SARM1: variants seen among roughly 807,000 people sequenced by gnomAD.
SARM1 encodes NAD(+) hydrolase SARM1.
A neutral mutation model predicts 65.1 loss-of-function variants in SARM1; 60 were observed. The observed-to-expected ratio is 0.92, with a 90% CI of 0.75 to 1.14. SARM1 has a LOEUF of 1.14. Ranked by LOEUF, SARM1 falls within the 50% of genes most tolerant of loss-of-function variation. The pLI, the probability that SARM1 is intolerant of heterozygous loss-of-function variation, is 0.00. For synonymous variants in SARM1, 417 were observed against 465.4 expected, an observed-to-expected ratio of 0.90 and a Z score of 1.34; for missense variants, 913 against 1,015.7, an observed-to-expected ratio of 0.90 and a Z score of 1.37.
rs371624154 is a variant in SARM1, at chr17:28,403,390, C to A, written c.*7104C>A. The A allele has an allele frequency of 6.6e-6, 1 of 152,448 alleles. No individual in the cohort carries two copies. Among genetic ancestry groups the A allele is most frequent in the South Asian group, 2.1e-4 (1 of 4,828 alleles). The allele number at this position is 152,448 out of a possible 1,614,324, so 9.4% of individuals were successfully genotyped here. On this transcript the variant is annotated 3_prime_UTR_variant, in exon 9 of 9. Coordinates refer to ENST00000585482, the MANE Select transcript of SARM1 (RefSeq NM_015077.4). ...CTTCCTGTTTTCTTCATAACCATTT[C>A]TCTCCCTGTGCGACTGCTGACTCCT...
intron 1 of SARM1, among the ~76,000 whole-genome samples, chr17:28,380,365 C>T (rs150883831): frequency 4.0e-4 from 61 of 152,350 alleles, no homozygotes; most frequent in Middle Eastern, 3.4e-3. Context: ...GATATTTGCA[C>T]ACAGGGATTT....
rs781886204 is a variant in SARM1 at position 28,381,598 on chromosome 17, G to T, written c.866G>T (p.Arg289Leu). The change falls in exon 2 of 9, where the codon CGC becomes CTC. Residue 289 changes from arginine to leucine, a missense_variant. This residue lies in a region of SARM1 where 862 missense variants were observed against 952.1 expected (regional missense o/e 0.91). Transcript: ENST00000585482. ...AAGGAGGTGGAGCGCGAGGTGGAGC[G>T]CTCGGGCACGCTGGCGCTCGTGGAG... Reference protein sequence around the residue: ...TNKEVEREVERSGTLALVEPL... With the variant: ...TNKEVEREVELSGTLALVEPL... The T allele has an allele frequency of 4.4e-6, 7 of 1,586,030 alleles. No individual in the cohort carries two copies. The East Asian group carries it at 1.2e-4, about 26-fold the overall frequency.
In SARM1 at chr17:28,400,163, G is replaced by C; in HGVS notation, c.*3877G>C. The C allele has an allele frequency of 4.2e-6, 1 of 239,040 alleles. No homozygotes were observed. The highest frequency in any genetic ancestry group is 5.1e-5 in the Admixed American group (1 of 19,540). The allele number at this position is 239,040 out of a possible 1,614,324, so 14.8% of individuals were successfully genotyped here. ...TCCTGCCTCAGCCTCCCACAGGATC[G>C]GGATTACAGGCAAGAGCCTCCACGC... is the stretch of plus-strand genomic sequence containing the variant. On this transcript the variant is annotated 3_prime_UTR_variant, in exon 9 of 9. Transcript: ENST00000585482.
rs373321780 is a variant in SARM1 at position 28,375,395 on chromosome 17, G to A, written c.470+2893G>A. ...GGAGATTGCCTGAGGTCAGGAGTTC[G>A]AGACCACTCTGGCCAACATGGTGAA... On this transcript the variant is annotated intron_variant, in intron 1 of 8. Transcript: ENST00000585482. Among the ~76,000 whole-genome samples, 5 of 151,866 alleles carry A rather than the reference G, an allele frequency of 3.3e-5. No homozygotes were observed. In the East Asian group the frequency reaches 5.8e-4, roughly 18 times the overall value.
rs565009775 is a variant in SARM1 at position 28,387,630 on chromosome 17, T to C, written c.1631-544T>C. On this transcript the variant is annotated intron_variant, in intron 5 of 8. Transcript: ENST00000585482. ...GCTGGAGTCCAGTATGTTTAGTAGG[T>C]AGAATCCTCAGAATGCGGTGCCTGG... 5.2e-4 allele frequency among the ~76,000 whole-genome samples: 79 copies of C among 152,298 alleles called. 1 individual carries two copies. Among genetic ancestry groups the C allele is most frequent in the African/African-American group, 1.8e-3 (74 of 41,564 alleles).
Position 28,381,497 on chromosome 17 carries a change from C to T in SARM1, c.765C>T (p.Phe255=). The T allele has an allele frequency of 6.4e-7, 1 of 1,557,218 alleles. No homozygotes were observed. Among genetic ancestry groups the T allele is most frequent in the Non-Finnish European group, 8.7e-7 (1 of 1,151,270 alleles). Residue 255 remains phenylalanine (F), a synonymous_variant, in exon 2 of 9, where the codon TTC becomes TTT. Coordinates refer to ENST00000585482, the MANE Select transcript of SARM1 (RefSeq NM_015077.4). ...MVEKRAAEWL[F]PLAFSKEDEL... ...AGAAGCGCGCAGCCGAGTGGCTCTTCCCGCTCGCCTTCTCCAAGGAGGACG... is the reference window on the plus strand; with the variant it reads ...AGAAGCGCGCAGCCGAGTGGCTCTTTCCGCTCGCCTTCTCCAAGGAGGACG...
intron 2 of SARM1, 131 bp downstream of exon 2, chr17:28,381,952 G>T: frequency 1.7e-6 from 2 of 1,189,534 alleles, no homozygotes; most frequent in Non-Finnish European, 2.2e-6. Flanking sequence ...AAGGAGGAGC[G>T]GGCCAGTCAT....
chr17:28,381,660 C>T lies in SARM1; in HGVS notation c.928C>T (p.Arg310Cys), dbSNP rs782675051. The T allele has an allele frequency of 2.6e-6, 4 of 1,556,268 alleles. No homozygotes were observed. Among genetic ancestry groups the T allele is most frequent in the Middle Eastern group, 1.7e-4 (1 of 5,798 alleles). ...VASLDPGRFA[R>C]CLVDASDTSQ... ...CTCGCTGGACCCTGGCCGCTTCGCCCGCTGTCTGGTGGACGCCAGCGACAC... is the reference window on the plus strand; with the variant it reads ...CTCGCTGGACCCTGGCCGCTTCGCCTGCTGTCTGGTGGACGCCAGCGACAC... Residue 310 changes from arginine (R) to cysteine (C), a missense_variant, in exon 2 of 9, where the codon CGC (arginine) becomes TGC (cysteine). Around this residue, in one of 3 missense-constraint regions of SARM1, gnomAD observed 862 missense variants for 952.1 expected, o/e 0.91. Transcript: ENST00000585482.
chr17:28,388,125 A>T (rs1555586300), intron 5 of SARM1, 49 bp from the exon 6 acceptor site: 1 of 1,286,290 alleles, frequency 7.8e-7, no homozygotes, highest in African/African-American at 1.5e-5. Flanking sequence ...CCTGACAGTG[A>T]GTGATGCGGA....
rs1555588954 is a variant in SARM1, at chr17:28,399,368, T to C, written c.*3082T>C. 1 of 438,448 alleles carries C rather than the reference T, an allele frequency of 2.3e-6. No individual in the cohort carries two copies. Among genetic ancestry groups the C allele is most frequent in the African/African-American group, 2.0e-5 (1 of 50,426 alleles). The allele number at this position is 438,448 out of a possible 1,614,324, so 27.2% of individuals were successfully genotyped here. ...ACCTCTCCTCTGGCCTGTGGGGTTA[T>C]AAGTGATGGATAGCAGAAAGGGAGA... On this transcript the variant is annotated 3_prime_UTR_variant, in exon 9 of 9. Coordinates refer to ENST00000585482, the MANE Select transcript of SARM1 (RefSeq NM_015077.4).
chr17:28,387,476 G>A (rs1427369152), intron 5 of SARM1, among the ~76,000 whole-genome samples: 1 of 150,244 alleles, frequency 6.7e-6, no homozygotes, highest in Non-Finnish European at 1.5e-5. Context: ...CACCCACCTT[G>A]GCCCCCCACA....
At position 28,402,315 on chromosome 17, in the gene SARM1, C is replaced by A; in HGVS notation, c.*6029C>A. ...GATGACTAATGACAGGAAAAGCAAC[C>A]CATATCCTGTGGAGAAACAAACACT... On this transcript the variant is annotated 3_prime_UTR_variant, in exon 9 of 9. Transcript: ENST00000585482. The A allele has an allele frequency of 1.2e-6, 2 of 1,613,050 alleles. No individual in the cohort carries two copies. Among genetic ancestry groups the A allele is most frequent in the South Asian group, 1.1e-5 (1 of 90,812 alleles).
Position 28,384,249 on chromosome 17 carries a change from A to G in SARM1, c.1090-108A>G, listed in dbSNP as rs1480364160. On this transcript the variant is annotated intron_variant, in intron 2 of 8. Coordinates refer to ENST00000585482, the MANE Select transcript of SARM1 (RefSeq NM_015077.4). The surrounding 1 kb of genome is among the most constrained non-coding windows in gnomAD (Gnocchi z 4.4). Reference sequence around the variant, plus strand: ...GTGGCTGAAGGTGGGGCCAGGGCAGATGGAGAGACTTTGGGTTGTGAGAAG... The same window carrying G: ...GTGGCTGAAGGTGGGGCCAGGGCAGGTGGAGAGACTTTGGGTTGTGAGAAG... 9 of 888,040 alleles carry G rather than the reference A, an allele frequency of 1.0e-5. No individual in the cohort carries two copies. The East Asian group carries it at 2.2e-4, about 21-fold the overall frequency. The allele number at this position is 888,040 out of a possible 1,614,324, so 55.0% of individuals were successfully genotyped here.
At chr17:28,387,565 A>G (rs2068058379) in intron 5 of SARM1, among the ~76,000 whole-genome samples, 1 of 152,266 alleles carries the variant, frequency 6.6e-6, no homozygotes, top group East Asian at 1.9e-4. Flanking sequence ...GCCATTGAGG[A>G]GGCTGGCATT....
At chr17:28,395,476 A>G (rs1267159625) in intron 7 of SARM1, 3 of 170,204 alleles carry the variant, frequency 1.8e-5, no homozygotes, top group Non-Finnish European at 3.8e-5. Context: ...TGATTAAATC[A>G]TTGGCCATTG....
Position 28,404,004 on chromosome 17 carries a change from C to A in SARM1, c.*7718C>A, listed in dbSNP as rs1332483488. 1 of 154,974 alleles carries A rather than the reference C, an allele frequency of 6.5e-6. No individual in the cohort carries two copies. Among genetic ancestry groups the A allele is most frequent in the Non-Finnish European group, 1.4e-5 (1 of 70,070 alleles). 9.6% of individuals were successfully genotyped at this position (154,974 alleles called of 1,614,324 possible). A position where few individuals can be genotyped will look rare whatever the true frequency, so the allele number is the denominator to read the frequency against. On this transcript the variant is annotated 3_prime_UTR_variant, in exon 9 of 9. Transcript: ENST00000585482. ...CTCTAGCCTGGGTAACAAAGCGAGA[C>A]CCTGTCTCTAAATACATCAATCAAA...
intron 7 of SARM1, among the ~76,000 whole-genome samples, chr17:28,392,413 G>A (rs1407741498): frequency 6.6e-6 from 1 of 152,064 alleles, no homozygotes; most frequent in Non-Finnish European, 1.5e-5. Context: ...ACCACACACG[G>A]CCGCCATTAT....
At position 28,388,284 on chromosome 17, in the gene SARM1, G is replaced by C. The variant is rs2068063127; in HGVS notation, c.1733+8G>C. 6.4e-7 allele frequency: 1 copy of C among 1,560,938 alleles called. No homozygotes were observed. The highest frequency in any genetic ancestry group is 2.4e-5 in the East Asian group (1 of 41,678). ...AGGTTCCCAGCTGGCCAGGTGAGGA[G>C]GGGCGGGCGGGCAGCGACGGGGCGT... On this transcript the variant is annotated splice_region_variant and intron_variant, in intron 6 of 8. Coordinates refer to ENST00000585482, the MANE Select transcript of SARM1 (RefSeq NM_015077.4).
chr17:28,388,700 G>A (rs1427570326), intron 7 of SARM1, among the ~76,000 whole-genome samples, 161 bp downstream of exon 7: 4 of 152,040 alleles, frequency 2.6e-5, no homozygotes, highest in African/African-American at 7.2e-5. Context: ...GACTGTAATA[G>A]GACTTTAGCA....
Sources: allele counts gnomAD v4.1 joint callset (sites outside exome capture counted in the v4.1 genomes callset), GRCh38; gene constraint gnomAD v4.1.1; regional missense constraint gnomAD v4.1.1; non-coding constraint Gnocchi (gnomAD v3.1); transcripts MANE v1.5; gene names NCBI Gene and HGNC (gene_info 2026-07-23, HGNC 2026-07-21).